BACH2: variants seen among roughly 807,000 people sequenced by gnomAD.
BACH2 encodes the protein transcription regulator protein BACH2.
In BACH2, 5 loss-of-function variants were observed where a neutral mutation model predicts 61.8. That is an observed-to-expected ratio of 0.08 (90% CI 0.04 to 0.17). The LOEUF is 0.17. Ranked by LOEUF, BACH2 falls within the 10% of genes least tolerant of loss-of-function variation. BACH2 has a pLI of 1.00. For missense variants in BACH2, 824 were observed against 1,091.1 expected, an observed-to-expected ratio of 0.76 and a Z score of 3.45; for synonymous variants, 446 against 440.1, an observed-to-expected ratio of 1.01 and a Z score of -0.17.
intron 5 of BACH2, among the ~76,000 whole-genome samples, chr6:90,077,582 A>C (rs1781527832): frequency 6.6e-6 from 1 of 152,152 alleles, no homozygotes; most frequent in African/African-American, 2.4e-5. Flanking sequence ...TATAAATTAT[A>C]AGTCACAAGT....
chr6:90,028,922 T>G (rs1036631162), intron 5 of BACH2, among the ~76,000 whole-genome samples: 3 of 152,220 alleles, frequency 2.0e-5, no homozygotes, highest in African/African-American at 7.2e-5. Context: ...CTGTGAGGAT[T>G]AAAATATTTT....
In BACH2 at chr6:90,242,633, C is replaced by T. The variant is rs140593658; in HGVS notation, c.-275+9880G>A. On this transcript the variant is annotated intron_variant, in intron 3 of 8. Transcript: ENST00000257749. ...GTAGTTGCTGAATTGTACGTTAAGC[C>T]TATCTTGAGCTTTATAAGAAGCTGC... 2.0e-5 allele frequency among the ~76,000 whole-genome samples: 3 copies of T among 152,248 alleles called. No homozygotes were observed. In the East Asian group the frequency reaches 5.8e-4, roughly 29 times the overall value.
intron 5 of BACH2, among the ~76,000 whole-genome samples, chr6:90,032,064 C>T (rs573914088): frequency 4.9e-4 from 74 of 151,756 alleles, no homozygotes; most frequent in Middle Eastern, 6.8e-3. Context: ...TATCTACAAC[C>T]ATCTGATCTT....
At chr6:90,147,311 C>T (rs1017974679) in intron 4 of BACH2, among the ~76,000 whole-genome samples, 1 of 152,180 alleles carries the variant, frequency 6.6e-6, no homozygotes, top group East Asian at 1.9e-4. Flanking sequence ...CCTTTTTCTG[C>T]CACGTCCCTG....
chr6:90,141,530 T>C (rs1784461571), intron 4 of BACH2, among the ~76,000 whole-genome samples: 1 of 149,716 alleles, frequency 6.7e-6, no homozygotes, highest in Admixed American at 6.7e-5. Flanking sequence ...TATATTACCA[T>C]ATATACCTGA....
intron 6 of BACH2, among the ~76,000 whole-genome samples, chr6:89,998,066 A>G (rs1481802790): frequency 6.6e-6 from 1 of 152,240 alleles, no homozygotes; most frequent in Non-Finnish European, 1.5e-5. Flanking sequence ...AAAATGAAAT[A>G]GGTATTTCTT....
chr6:90,187,048 TAAG>T (rs1167690965), intron 4 of BACH2, among the ~76,000 whole-genome samples: 1 of 152,188 alleles, frequency 6.6e-6, no homozygotes, highest in Non-Finnish European at 1.5e-5. Flanking sequence ...TCCTCTATAT[TAAG>T]AAGGATGCCC....
At chr6:90,048,037 T>C (rs2127793515) in intron 5 of BACH2, among the ~76,000 whole-genome samples, 1 of 152,332 alleles carries the variant, frequency 6.6e-6, no homozygotes, top group African/African-American at 2.4e-5. Flanking sequence ...TTGTGACACC[T>C]AGAAATTCAG....
chr6:90,226,689 T>C (rs1427740887), intron 3 of BACH2, among the ~76,000 whole-genome samples: 1 of 152,046 alleles, frequency 6.6e-6, no homozygotes, highest in Admixed American at 6.5e-5. Context: ...AGAGCCCAAG[T>C]CCTTAGAATT....
chr6:89,928,404 G>T lies in BACH2; in HGVS notation c.*4004C>A, dbSNP rs1317981655. The stretch of plus-strand genomic sequence containing the variant: ...GGATGTCAAGCAGCTTCACGGGACA[G>T]GAGTTTTTGGTGTCTTAACAGGCTT... On this transcript the variant is annotated 3_prime_UTR_variant, in exon 9 of 9. Transcript: ENST00000257749. The T allele has an allele frequency of 1.3e-5, 2 of 152,356 alleles. No individual in the cohort carries two copies. Among genetic ancestry groups the T allele is most frequent in the Non-Finnish European group, 2.9e-5 (2 of 68,042 alleles). 9.4% of individuals were successfully genotyped at this position (152,356 alleles called of 1,614,324 possible). A position where few individuals can be genotyped will look rare whatever the true frequency, so the allele number is the denominator to read the frequency against.
intron 5 of BACH2, chr6:90,062,885 T>C (rs973829243): frequency 2.0e-6 from 2 of 983,660 alleles, no homozygotes; most frequent in African/African-American, 1.7e-5. Flanking sequence ...AAGGCTGACC[T>C]GGCTCTGCCA....
chr6:90,036,750 T>C (rs958541343), intron 5 of BACH2, among the ~76,000 whole-genome samples: 1 of 152,168 alleles, frequency 6.6e-6, no homozygotes, highest in Non-Finnish European at 1.5e-5. Context: ...CAATGAAATG[T>C]ACAAATCTTA....
intron 4 of BACH2, among the ~76,000 whole-genome samples, chr6:90,142,964 A>G (rs1784510843): frequency 6.6e-6 from 1 of 152,234 alleles, no homozygotes; most frequent in South Asian, 2.1e-4. Flanking sequence ...AGAATTCCCT[A>G]TTGGCATGAA....
At chr6:90,181,302 TAAC>T (rs1440971760) in intron 4 of BACH2, among the ~76,000 whole-genome samples, 1 of 151,934 alleles carries the variant, frequency 6.6e-6, no homozygotes, top group Non-Finnish European at 1.5e-5. Flanking sequence ...AAAAACAAAA[TAAC>T]AGTCCCCTCA....
intron 3 of BACH2, among the ~76,000 whole-genome samples, chr6:90,214,751 CTTTTTTTTT>C (rs563651580): frequency 1.1e-4 from 10 of 94,308 alleles, no homozygotes; most frequent in South Asian, 4.0e-4. Context: ...GATTCTGTTC[CTTTTTTTTT>C]TTTTTTTTTT....
chr6:89,939,167 G>T (rs1274956769), intron 7 of BACH2, among the ~76,000 whole-genome samples: 1 of 152,162 alleles, frequency 6.6e-6, no homozygotes, highest in South Asian at 2.1e-4. Flanking sequence ...AAAATTAGCT[G>T]CCATGCCTCG....
At chr6:89,937,691 G>A (rs536603893) in intron 8 of BACH2, among the ~76,000 whole-genome samples, 1 of 152,148 alleles carries the variant, frequency 6.6e-6, no homozygotes, top group Non-Finnish European at 1.5e-5. Flanking sequence ...TGCCATGCCC[G>A]GCTAATTTTT....
chr6:90,092,291 A>AAAAAAAAAAAATATATATAT, intron 4 of BACH2, among the ~76,000 whole-genome samples: 1 of 113,842 alleles, frequency 8.8e-6, no homozygotes, highest in African/African-American at 3.6e-5. Context: ...AAAAAAAAAA[A>AAAAAAAAAAAATATATATAT]ATATATATAT....
chr6:90,014,466 ATATTTTTTT>A (rs1438736471), intron 5 of BACH2, among the ~76,000 whole-genome samples: 2 of 50,958 alleles, frequency 3.9e-5, no homozygotes, highest in African/African-American at 1.3e-4. Flanking sequence ...ATATATATAT[ATATTTTTTT>A]TTTTTTTTTT....
Sources: gnomAD v4.1 joint callset for allele counts (sites outside exome capture counted in the v4.1 genomes callset) on GRCh38, gnomAD v4.1.1 for gene constraint, MANE v1.5 for transcripts, NCBI Gene and HGNC (gene_info 2026-07-23, HGNC 2026-07-21) for gene names.